Variants in VPS53 observed in about 807,000 individuals in gnomAD.
VPS53 encodes VPS53 subunit of GARP complex.
In VPS53, 70 loss-of-function variants were observed where a neutral mutation model predicts 107.0. The ratio of observed to expected loss-of-function variants is 0.65; its 90% confidence interval spans 0.54 to 0.80. The LOEUF is 0.80. Ranked by LOEUF, VPS53 falls within the 30% of genes least tolerant of loss-of-function variation. VPS53 has a pLI of 0.00. For synonymous variants in VPS53, 409 were observed against 393.3 expected, an observed-to-expected ratio of 1.04 and a Z score of -0.47; for missense variants, 917 against 1,049.4, an observed-to-expected ratio of 0.87 and a Z score of 1.74.
At chr17:583,220 C>T (rs1967138150) in intron 13 of VPS53, among the ~76,000 whole-genome samples, 2 of 148,534 alleles carry the variant, frequency 1.3e-5, no homozygotes, top group African/African-American at 2.5e-5. Flanking sequence ...CTCAGAACCT[C>T]AGTGAGTTCC....
At chr17:564,260 G>A (rs1321172564) in intron 13 of VPS53, among the ~76,000 whole-genome samples, 2 of 152,152 alleles carry the variant, frequency 1.3e-5, no homozygotes, top group Non-Finnish European at 2.9e-5. Flanking sequence ...CGTGGTGTGG[G>A]CCAGGCACAG....
Position 510,316 on chromosome 17 carries a change from A to C in VPS53, c.*8812T>G, listed in dbSNP as rs1907859748. On this transcript the variant is annotated 3_prime_UTR_variant, in exon 22 of 22. Transcript: ENST00000437048. ...AATCCTGTCTCGCCCCTCACTAGTC[A>C]CATATCAAATCTTGGCTGACCCCTT... is the stretch of plus-strand genomic sequence containing the variant. The C allele has an allele frequency of 5.5e-6, 1 of 181,814 alleles. No individual in the cohort carries two copies. The highest frequency in any genetic ancestry group is 2.6e-5 in the African/African-American group (1 of 38,504). The allele number at this position is 181,814 out of a possible 1,614,324, so 11.3% of individuals were successfully genotyped here.
At chr17:630,472 A>G (rs1373297222) in intron 8 of VPS53, among the ~76,000 whole-genome samples, 1 of 152,114 alleles carries the variant, frequency 6.6e-6, no homozygotes, top group African/African-American at 2.4e-5. Flanking sequence ...GCTTTCCAAT[A>G]TCTACTCCCT....
chr17:565,686 G>C (rs1399152465), intron 13 of VPS53, among the ~76,000 whole-genome samples: 6 of 151,794 alleles, frequency 4.0e-5, no homozygotes, highest in Non-Finnish European at 8.8e-5. Flanking sequence ...CAGCTCCCCT[G>C]CTGGCCTACT....
intron 4 of VPS53, among the ~76,000 whole-genome samples, chr17:692,945 C>T (rs970004957): frequency 6.6e-6 from 1 of 152,096 alleles, no homozygotes; most frequent in African/African-American, 2.4e-5. Flanking sequence ...ACCAGCCTGA[C>T]CAACATGGTG....
At chr17:699,196 A>T in intron 3 of VPS53, 135 bp downstream of exon 3, 3 of 544,862 alleles carry the variant, frequency 5.5e-6, no homozygotes, top group Non-Finnish European at 8.5e-6. Flanking sequence ...TAAAAATTTT[A>T]AAAGGAATTA....
intron 17 of VPS53, 180 bp from the exon 18 acceptor site, chr17:537,356 C>T (rs1910171063): frequency 1.6e-5 from 11 of 670,808 alleles, no homozygotes; most frequent in South Asian, 4.0e-5. Context: ...AGGACAAATG[C>T]GAGTGTGCCC....
chr17:586,691 A>G (rs539951715), intron 12 of VPS53, among the ~76,000 whole-genome samples: 24 of 152,354 alleles, frequency 1.6e-4, no homozygotes, highest in Admixed American at 9.1e-4. Flanking sequence ...GTATTTACAC[A>G]GTGCTTTAGA....
chr17:589,925 T>C (rs960913323), intron 12 of VPS53, among the ~76,000 whole-genome samples: 1 of 152,064 alleles, frequency 6.6e-6, no homozygotes, highest in African/African-American at 2.4e-5. Flanking sequence ...AAGTCATTGG[T>C]AGCTTGATGG....
In VPS53 at chr17:519,237, G is replaced by A. The variant is rs541102575; in HGVS notation, c.2390C>T (p.Pro797Leu). Residue 797 changes from proline (P) to leucine (L), a missense_variant, in exon 22 of 22, where the codon CCG (proline) becomes CTG (leucine). Transcript: ENST00000437048. The surrounding 1 kb of genome is among the most constrained non-coding windows in gnomAD (Gnocchi z 5.0). ...GCCGGAGCTTTCTGCCCCCGAGGGC[G>A]GTGCGGGGAGCCGCTGGCGCAGGAG... is the stretch of plus-strand genomic sequence containing the variant. ...LELLRQRLPA[P>L]PSGAESSGSL... The A allele has an allele frequency of 1.4e-4, 213 of 1,546,566 alleles. 1 individual carries two copies. Among genetic ancestry groups the A allele is most frequent in the African/African-American group, 1.2e-3 (91 of 72,848 alleles).
intron 12 of VPS53, chr17:600,213 C>T (rs1402565076): frequency 6.6e-6 from 1 of 152,186 alleles, no homozygotes; most frequent in Non-Finnish European, 1.5e-5. Flanking sequence ...AGATGACTAG[C>T]GAAAAGAATA....
chr17:605,679 G>A (rs1353676431), intron 11 of VPS53, among the ~76,000 whole-genome samples: 1 of 148,648 alleles, frequency 6.7e-6, no homozygotes, highest in Non-Finnish European at 1.5e-5. Context: ...TGGGGGCCTG[G>A]GGTAAGAGGG....
chr17:711,849 C>T (rs892984923), intron 1 of VPS53, among the ~76,000 whole-genome samples: 3 of 148,148 alleles, frequency 2.0e-5, no homozygotes, highest in African/African-American at 7.5e-5. Flanking sequence ...CGGAGTCTCG[C>T]GCTGTCACCC....
chr17:614,572 G>A (rs1326776314), intron 11 of VPS53, among the ~76,000 whole-genome samples: 1 of 152,206 alleles, frequency 6.6e-6, no homozygotes, highest in Non-Finnish European at 1.5e-5. Flanking sequence ...TGAAGGGAGT[G>A]CATGAGGCGG....
rs147342619 is a variant in VPS53, at chr17:609,415, G to A, written c.1117-7519C>T. Among the ~76,000 whole-genome samples, 25 of 152,174 alleles carry A rather than the reference G, an allele frequency of 1.6e-4. No homozygotes were observed. The East Asian group carries it at 4.6e-3, about 28-fold the overall frequency. ...TTGTCTACTGATGTTTCTACTTTTT[G>A]GCTATTGTGAATAGTGTTGCTATGA... On this transcript the variant is annotated intron_variant, in intron 11 of 21. Transcript: ENST00000437048.
At chr17:643,400 TACTCATACTTGGAAAGCGAGGACAAC>T (rs1567701601) in intron 7 of VPS53, among the ~76,000 whole-genome samples, 3 of 55,370 alleles carry the variant, frequency 5.4e-5, no homozygotes, top group South Asian at 6.6e-4. Context: ...CTGAGGACAA[TACTCATACTTGGAAAGCGAGGACAAC>T]ACTCATACTT....
chr17:612,894 TCA>T (rs970354495), intron 11 of VPS53, among the ~76,000 whole-genome samples: 7 of 149,692 alleles, frequency 4.7e-5, no homozygotes, highest in African/African-American at 7.5e-5. Flanking sequence ...GTACAAATAT[TCA>T]CATAGTTCAC....
chr17:630,783 G>A (rs144193280), intron 8 of VPS53, among the ~76,000 whole-genome samples: 37 of 152,294 alleles, frequency 2.4e-4, no homozygotes, highest in African/African-American at 8.4e-4. Context: ...TCTACCCACC[G>A]AGTAGGGTGA....
chr17:678,199 T>A (rs1597477167), intron 4 of VPS53, among the ~76,000 whole-genome samples: 1 of 152,076 alleles, frequency 6.6e-6, no homozygotes, highest in African/African-American at 2.4e-5. Flanking sequence ...GCAGGCGGAC[T>A]GCCTGAGGTC....
Sources: gnomAD v4.1 joint callset for allele counts (sites outside exome capture counted in the v4.1 genomes callset) on GRCh38, gnomAD v4.1.1 for gene constraint, Gnocchi (gnomAD v3.1) non-coding constraint, MANE v1.5 for transcripts, NCBI Gene and HGNC (gene_info 2026-07-23, HGNC 2026-07-21) for gene names.